Variants in L3MBTL4 observed in about 807,000 individuals in gnomAD.
L3MBTL4 encodes L3MBTL histone methyl-lysine binding protein 4, also known as lethal(3)malignant brain tumor-like protein 4.
In L3MBTL4, 70 loss-of-function variants were observed where a neutral mutation model predicts 84.5. The observed-to-expected ratio is 0.83, with a 90% CI of 0.68 to 1.01. The LOEUF (loss-of-function observed/expected upper bound fraction) is 1.01. Among genes scored for constraint, L3MBTL4 ranks in the 50% least tolerant of loss-of-function variants. The probability of loss-of-function intolerance (pLI) is 0.00; values close to 1 mark genes in which losing one functional copy is unlikely to be tolerated. For missense variants in L3MBTL4, 715 were observed against 754.8 expected (o/e 0.95, Z 0.62); for synonymous variants, 274 against 259.8 (o/e 1.05, Z -0.52).
chr18:6,384,272 C>A (rs1343462586), intron 1 of L3MBTL4, among the ~76,000 whole-genome samples: 1 of 152,138 alleles, frequency 6.6e-6, no homozygotes, highest in Non-Finnish European at 1.5e-5. Context: ...CACACACACA[C>A]TCATATATAT....
At chr18:5,969,241 C>T in intron 17 of L3MBTL4, 152 bp downstream of exon 17, 1 of 809,638 alleles carries the variant, frequency 1.2e-6, no homozygotes, top group Non-Finnish European at 1.9e-6. Flanking sequence ...GCTTCTCCCT[C>T]TAATTTAGGT....
At chr18:6,387,818 A>C (rs1400722664) in intron 1 of L3MBTL4, among the ~76,000 whole-genome samples, 1 of 152,258 alleles carries the variant, frequency 6.6e-6, no homozygotes, top group Non-Finnish European at 1.5e-5. Context: ...GCTGTCAAAA[A>C]TTTGTGGGAA....
intron 1 of L3MBTL4, among the ~76,000 whole-genome samples, chr18:6,362,288 GAGAA>G (rs1487069960): frequency 4.0e-5 from 6 of 149,858 alleles, no homozygotes; most frequent in Non-Finnish European, 7.4e-5. Context: ...AAAGAAAGAA[GAGAA>G]AGAAAGAGGA....
chr18:6,409,609 C>T (rs2055882687), intron 1 of L3MBTL4, among the ~76,000 whole-genome samples: 1 of 152,164 alleles, frequency 6.6e-6, no homozygotes, highest in African/African-American at 2.4e-5. Flanking sequence ...CATGTACAGA[C>T]AGACTGGGAG....
At chr18:5,961,015 C>T (rs142692819) in intron 17 of L3MBTL4, among the ~76,000 whole-genome samples, 110 of 152,282 alleles carry the variant, frequency 7.2e-4, no homozygotes, top group African/African-American at 2.5e-3. Context: ...CCAGTCCTGT[C>T]GCAGCAGGGG....
chr18:6,320,897 G>A (rs778989838), intron 1 of L3MBTL4, among the ~76,000 whole-genome samples: 5 of 151,976 alleles, frequency 3.3e-5, no homozygotes, highest in Non-Finnish European at 7.4e-5. Flanking sequence ...AAATAGGCAT[G>A]AGGACCAATG....
chr18:6,414,295 C>T lies in L3MBTL4; in HGVS notation c.-91+506G>A, dbSNP rs1256088473. On this transcript the variant is annotated intron_variant, in intron 1 of 18. Transcript: ENST00000317931. The surrounding 1 kb of genome is among the most constrained non-coding windows in gnomAD (Gnocchi z 5.4). ...CGCTCGCCCGTCCGGGCACACGACA[C>T]TTGTCGGCTGAGGGGGACACGCGGG... 2 of 152,510 alleles carry T rather than the reference C, an allele frequency of 1.3e-5. No homozygotes were observed. The highest frequency in any genetic ancestry group is 2.9e-5 in the Non-Finnish European group (2 of 68,252). 9.4% of individuals were successfully genotyped at this position (152,510 alleles called of 1,614,324 possible).
chr18:6,173,116 C>G (rs930384839), intron 12 of L3MBTL4, among the ~76,000 whole-genome samples: 3 of 152,202 alleles, frequency 2.0e-5, no homozygotes, highest in Non-Finnish European at 4.4e-5. Context: ...CTACATGAAT[C>G]TGTTATATGC....
At chr18:6,054,611 G>A (rs1277275037) in intron 16 of L3MBTL4, among the ~76,000 whole-genome samples, 1 of 152,116 alleles carries the variant, frequency 6.6e-6, no homozygotes, top group African/African-American at 2.4e-5. Flanking sequence ...CCAGAGACAG[G>A]CCCTGATCTC....
intron 14 of L3MBTL4, among the ~76,000 whole-genome samples, chr18:6,118,105 C>T (rs1456730013): frequency 2.6e-5 from 4 of 151,888 alleles, no homozygotes; most frequent in Admixed American, 2.0e-4. Context: ...TCTGTGGCCT[C>T]TTCCCCATGC....
intron 12 of L3MBTL4, among the ~76,000 whole-genome samples, chr18:6,185,003 G>A (rs2044655121): frequency 6.6e-6 from 1 of 152,222 alleles, no homozygotes; most frequent in South Asian, 2.1e-4. Context: ...ATCGCCAGAT[G>A]AGAAATACAG....
chr18:6,403,304 G>A (rs1657900235), intron 1 of L3MBTL4, among the ~76,000 whole-genome samples: 1 of 152,166 alleles, frequency 6.6e-6, no homozygotes, highest in Non-Finnish European at 1.5e-5. Context: ...GCTTTACTTT[G>A]TTTTGTGCAG....
At chr18:6,280,160 T>C (rs1435486395) in intron 4 of L3MBTL4, among the ~76,000 whole-genome samples, 1 of 152,228 alleles carries the variant, frequency 6.6e-6, no homozygotes. Context: ...TTCAGTTCAC[T>C]AGCAGATCAC....
Position 6,410,210 on chromosome 18 carries a change from G to A in L3MBTL4, c.-91+4591C>T, listed in dbSNP as rs543401257. Among the ~76,000 whole-genome samples, 86 of 152,278 alleles carry A rather than the reference G, an allele frequency of 5.6e-4. 2 individuals carry two copies. The highest frequency in any genetic ancestry group is 2.0e-3 in the African/African-American group (84 of 41,558). ...GGCACCAAGCTTTTCCCCACAAACC[G>A]CCTTAGGGGCTTCTCTCTGCCTGAA... On this transcript the variant is annotated intron_variant, in intron 1 of 18. Coordinates refer to ENST00000317931, the MANE Select transcript of L3MBTL4 (RefSeq NM_001330559.2).
intron 3 of L3MBTL4, 152 bp from the exon 4 acceptor site, chr18:6,302,109 G>C: frequency 1.4e-6 from 1 of 727,288 alleles, no homozygotes; most frequent in Non-Finnish European, 2.5e-6. Context: ...TCCGGTGGGT[G>C]CCCAGGAGGG....
intron 16 of L3MBTL4, among the ~76,000 whole-genome samples, chr18:6,012,286 T>C (rs984966846): frequency 2.0e-5 from 3 of 152,160 alleles, no homozygotes; most frequent in Non-Finnish European, 4.4e-5. Flanking sequence ...CACTGAGGGA[T>C]GTATAGTTAT....
At chr18:6,056,019 C>T (rs2057010624) in intron 16 of L3MBTL4, among the ~76,000 whole-genome samples, 1 of 152,032 alleles carries the variant, frequency 6.6e-6, no homozygotes, top group Admixed American at 6.5e-5. Context: ...GCGGAAAACG[C>T]CTCAGTGTTT....
At chr18:5,958,106 GAA>G (rs2095240783) in intron 18 of L3MBTL4, among the ~76,000 whole-genome samples, 1 of 91,464 alleles carries the variant, frequency 1.1e-5, no homozygotes, top group Non-Finnish European at 2.0e-5. Flanking sequence ...AGAAGAAGAA[GAA>G]GAAGAAGAAG....
chr18:5,994,832 C>G (rs2145189699), intron 16 of L3MBTL4, among the ~76,000 whole-genome samples: 1 of 152,320 alleles, frequency 6.6e-6, no homozygotes, highest in Non-Finnish European at 1.5e-5. Context: ...CAGGAATACC[C>G]TTGAAATTGT....
Sources: gnomAD v4.1 joint callset for allele counts (sites outside exome capture counted in the v4.1 genomes callset) on GRCh38, gnomAD v4.1.1 for gene constraint, Gnocchi (gnomAD v3.1) non-coding constraint, MANE v1.5 for transcripts, NCBI Gene and HGNC (gene_info 2026-07-23, HGNC 2026-07-21) for gene names.